Variants in LINC00632 observed in about 807,000 individuals in gnomAD.
LINC00632 encodes the protein ALDOA related specific transcript.
intron 3 of LINC00632, among the ~76,000 whole-genome samples, chrX:140,764,396 AC>A (rs1377165915): frequency 1.9e-5 from 2 of 107,990 alleles, no homozygotes; most frequent in African/African-American, 6.8e-5. Context: ...GAGTGGTGTA[AC>A]TGAGGAAGAG....
At chrX:140,720,749 C>A in intron 2 of LINC00632, among the ~76,000 whole-genome samples, 1 of 111,902 alleles carries the variant, frequency 8.9e-6, no homozygotes, top group East Asian at 2.8e-4. Context: ...AATACATGGA[C>A]GTGTCCCATC....
At chrX:140,715,458 G>C (rs893498185) in intron 2 of LINC00632, among the ~76,000 whole-genome samples, 6 of 110,297 alleles carry the variant, frequency 5.4e-5, no homozygotes, top group Non-Finnish European at 9.5e-5. Flanking sequence ...AGCCGGGCAT[G>C]GTGGCACATG....
chrX:140,710,365 A>G (rs990937202), intron 1 of LINC00632, among the ~76,000 whole-genome samples: 2 of 112,253 alleles, frequency 1.8e-5, no homozygotes, highest in Admixed American at 9.5e-5. Flanking sequence ...CATGTGAGAT[A>G]TGAAAGTGTA....
At chrX:140,790,683 CTG>C (rs1932095523) in exon 5 of LINC00632, among the ~76,000 whole-genome samples, 1 of 111,004 alleles carries the variant, frequency 9.0e-6, no homozygotes, top group African/African-American at 3.3e-5. Context: ...AACGAGGGAT[CTG>C]TCTCAATTTA....
intron 3 of LINC00632, among the ~76,000 whole-genome samples, chrX:140,753,768 C>CTTTTTTTTTTTTTTTTTTTTTTT (rs752596283): frequency 5.4e-4 from 27 of 49,727 alleles, no homozygotes; most frequent in Non-Finnish European, 5.8e-4. Flanking sequence ...TTCTTTCTTT[C>CTTTTTTTTTTTTTTTTTTTTTTT]TTTTTTTTTT....
At chrX:140,723,017 G>A (rs1321220522) in intron 2 of LINC00632, among the ~76,000 whole-genome samples, 3 of 98,598 alleles carry the variant, frequency 3.0e-5, no homozygotes, top group Admixed American at 1.2e-4. Flanking sequence ...CTCCAGCCTG[G>A]GCAACAGAGG....
At chrX:140,714,726 G>T (rs1031933801) in intron 2 of LINC00632, 9 of 109,257 alleles carry the variant, frequency 8.2e-5, no homozygotes, top group African/African-American at 3.0e-4. Context: ...GGAGGCTGAG[G>T]CAGGAGAATC....
intron 3 of LINC00632, among the ~76,000 whole-genome samples, chrX:140,756,972 C>T (rs1376127786): frequency 2.7e-5 from 3 of 111,589 alleles, no homozygotes; most frequent in Admixed American, 9.6e-5. Context: ...ATGTTTGCAG[C>T]GACTCCCTAT....
chrX:140,716,475 C>A (rs1285422594), intron 2 of LINC00632, among the ~76,000 whole-genome samples: 21 of 109,685 alleles, frequency 1.9e-4, no homozygotes, highest in African/African-American at 6.0e-4. Context: ...TCATTACTAC[C>A]AAAACAAAAA....
intron 2 of LINC00632, among the ~76,000 whole-genome samples, chrX:140,723,455 CACACACACATTCCAT>C (rs1569348250): frequency 8.3e-4 from 29 of 34,952 alleles, no homozygotes; most frequent in Admixed American, 1.6e-3. Flanking sequence ...ACACATTCCA[CACACACACATTCCAT>C]ACACATACAC....
At chrX:140,772,132 G>A (rs1931809250) in exon 4 of LINC00632, 3 of 294,528 alleles carry the variant, frequency 1.0e-5, no homozygotes, top group Non-Finnish European at 1.8e-5. Flanking sequence ...TGAGTTCCAC[G>A]ATCGCTTCAC....
intron 2 of LINC00632, among the ~76,000 whole-genome samples, chrX:140,718,369 G>A (rs370081599): frequency 9.2e-6 from 1 of 108,208 alleles, no homozygotes; most frequent in Non-Finnish European, 1.9e-5. Flanking sequence ...TACTCTCACC[G>A]CTCTTTTCCT....
chrX:140,768,746 CAT>C (rs1366125675), intron 3 of LINC00632, among the ~76,000 whole-genome samples: 21 of 95,406 alleles, frequency 2.2e-4, no homozygotes, highest in African/African-American at 6.2e-4. Flanking sequence ...AAATATATAA[CAT>C]ATTTATCATA....
exon 5 of LINC00632, chrX:140,784,700 C>A: frequency 4.0e-6 from 1 of 251,694 alleles, no homozygotes; most frequent in Non-Finnish European, 7.4e-6. Flanking sequence ...TCCAGCCTTT[C>A]CCCAGGTCCA....
chrX:140,720,827 G>A (rs1291400465), intron 2 of LINC00632, among the ~76,000 whole-genome samples: 2 of 111,631 alleles, frequency 1.8e-5, no homozygotes, highest in Non-Finnish European at 3.8e-5. Flanking sequence ...TAACACCAAC[G>A]CTTAGCTGAG....
exon 5 of LINC00632, among the ~76,000 whole-genome samples, chrX:140,788,460 T>G (rs1405963701): frequency 9.0e-6 from 1 of 110,776 alleles, no homozygotes; most frequent in East Asian, 2.8e-4. Context: ...GTAATTTATC[T>G]GTGGGTAGTA....
At chrX:140,772,462 T>A (rs1931814691) in exon 4 of LINC00632, 1 of 292,285 alleles carries the variant, frequency 3.4e-6, no homozygotes, top group Non-Finnish European at 5.9e-6. Context: ...TCATTGTAAA[T>A]ATGCGTGAGT....
At chrX:140,744,243 G>A (rs1440611046) in intron 3 of LINC00632, among the ~76,000 whole-genome samples, 1 of 110,763 alleles carries the variant, frequency 9.0e-6, no homozygotes, top group Non-Finnish European at 1.9e-5. Flanking sequence ...TTGGCTTGGG[G>A]AGGATGAGTC....
intron 3 of LINC00632, among the ~76,000 whole-genome samples, chrX:140,766,747 CAAAG>C (rs774119686): frequency 3.6e-3 from 400 of 111,703 alleles, no homozygotes; most frequent in Middle Eastern, 0.014. Context: ...AATGAAATAA[CAAAG>C]AAAGAATGTG....
Sources: allele counts gnomAD v4.1 joint callset (sites outside exome capture counted in the v4.1 genomes callset), GRCh38; gene constraint gnomAD v4.1.1; transcripts MANE v1.5; gene names NCBI Gene and HGNC (gene_info 2026-07-23, HGNC 2026-07-21).